ZBTB10: variants seen among roughly 807,000 people sequenced by gnomAD.
The protein encoded by ZBTB10 is zinc finger and BTB domain containing 10.
A neutral mutation model predicts 76.4 loss-of-function variants in ZBTB10; 32 were observed. That is an observed-to-expected ratio of 0.42 (90% confidence interval 0.32 to 0.56). The LOEUF (loss-of-function observed/expected upper bound fraction) is 0.56, where lower values mean the gene tolerates loss of function less well. Among genes scored for constraint, ZBTB10 ranks in the 20% least tolerant of loss-of-function variants. The pLI is 0.14. For missense variants in ZBTB10, 1,057 were observed against 1,098.5 expected (o/e 0.96, Z 0.53); for synonymous variants, 523 against 432.9 (o/e 1.21, Z -2.58).
In ZBTB10 at chr8:80,487,587, C is replaced by T. The variant is rs763125591; in HGVS notation, c.777C>T (p.Pro259=). The T allele has an allele frequency of 3.1e-6, 5 of 1,613,366 alleles. No individual in the cohort carries two copies. Among genetic ancestry groups the T allele is most frequent in the South Asian group, 1.1e-5 (1 of 90,918 alleles). The stretch of plus-strand genomic sequence containing the variant: ...AGACCTCCTGGCTCAAGGACTTTCC[C>T]TGGCTGCGCTATTCCAAGGATACTG... ...SFQTSWLKDF[P]WLRYSKDTGL... is the part of the protein sequence containing the mutation. The change falls in exon 1 of 6, where the codon CCC becomes CCT. Residue 259 remains proline, a synonymous_variant. Coordinates refer to ENST00000455036, the MANE Select transcript of ZBTB10 (RefSeq NM_001105539.3).
intron 1 of ZBTB10, among the ~76,000 whole-genome samples, chr8:80,497,429 A>T: frequency 7.3e-6 from 1 of 137,674 alleles, no homozygotes; most frequent in African/African-American, 2.8e-5. Context: ...TTTTGGTAGG[A>T]GGAGAAAATA....
chr8:80,485,997 G>A, upstream of ZBTB10: 21 of 868,742 alleles, frequency 2.4e-5, no homozygotes, highest in East Asian at 3.3e-5. Flanking sequence ...CCCCCAGCCC[G>A]CCGCCCGGCC....
Position 80,523,938 on chromosome 8 carries a change from CTAATA to C in ZBTB10, c.*4414_*4418del, listed in dbSNP as rs895626371. 1 of 151,950 alleles carries C rather than the reference CTAATA, an allele frequency of 6.6e-6. No individual in the cohort carries two copies. Among genetic ancestry groups the C allele is most frequent in the Non-Finnish European group, 1.5e-5 (1 of 67,894 alleles). 9.4% of individuals were successfully genotyped at this position (151,950 alleles called of 1,614,324 possible). ...ACTTTTTAAAATGTAAATTACCTAC[CTAATA>C]TAAGTGTCCTAAGACATGTATGTAA... is the stretch of plus-strand genomic sequence containing the variant. On this transcript the variant is annotated 3_prime_UTR_variant, in exon 6 of 6. Coordinates refer to ENST00000455036, the MANE Select transcript of ZBTB10 (RefSeq NM_001105539.3).
chr8:80,488,328 G>A (rs1237974816), intron 1 of ZBTB10, among the ~76,000 whole-genome samples: 1 of 152,194 alleles, frequency 6.6e-6, no homozygotes, highest in Non-Finnish European at 1.5e-5. Flanking sequence ...TAAATGTAGA[G>A]AATGCTATTT....
At chr8:80,501,676 A>ATG (rs35555021) in intron 2 of ZBTB10, among the ~76,000 whole-genome samples, 407 of 151,148 alleles carry the variant, frequency 2.7e-3, no homozygotes, top group South Asian at 6.9e-3. Context: ...TTGTGTATGT[A>ATG]TGTGTGTGTG....
chr8:80,493,194 C>T (rs566011363), intron 1 of ZBTB10, among the ~76,000 whole-genome samples: 81 of 88,556 alleles, frequency 9.1e-4, no homozygotes, highest in African/African-American at 4.3e-3. Flanking sequence ...TGCCTCAAAA[C>T]GCGCGCGCGC....
At position 80,519,996 on chromosome 8, in the gene ZBTB10, TTAA is replaced by T. The variant is rs1163385829; in HGVS notation, c.*471_*473del. The stretch of plus-strand genomic sequence containing the variant: ...TTTATTTTTATTAATTTTATTTTTT[TTAA>T]TACAGATTTTCAGTGAGGGGCTTTT... On this transcript the variant is annotated 3_prime_UTR_variant, in exon 6 of 6. Transcript: ENST00000455036. 2.0e-5 allele frequency: 3 copies of T among 152,520 alleles called. No individual in the cohort carries two copies. The highest frequency in any genetic ancestry group is 6.6e-5 in the Admixed American group (1 of 15,260). 9.4% of individuals were successfully genotyped at this position (152,520 alleles called of 1,614,324 possible).
chr8:80,526,076 T>A lies in ZBTB10; in HGVS notation c.*6548T>A. 1 of 151,996 alleles carries A rather than the reference T, an allele frequency of 6.6e-6. No individual in the cohort carries two copies. The allele number at this position is 151,996 out of a possible 1,614,324, so 9.4% of individuals were successfully genotyped here. On this transcript the variant is annotated 3_prime_UTR_variant, in exon 6 of 6. Transcript: ENST00000455036. ...CCTTTGTGATTTTTTTTTTAAACCG[T>A]CTCCATAACAGAACACTTAGAATTA...
Position 80,513,073 on chromosome 8 carries a change from C to CATT in ZBTB10, c.1862-837_1862-836insATT, listed in dbSNP as rs1159183207. On this transcript the variant is annotated intron_variant, in intron 2 of 5. Transcript: ENST00000455036. ...GTTAGGATTATTCAGTATACTTAAT[C>CATT]TTTTCTCACTGTCTCATCTGTTTCA... Among the ~76,000 whole-genome samples, 4 of 151,994 alleles carry CATT rather than the reference C, an allele frequency of 2.6e-5. No homozygotes were observed. In the East Asian group the frequency reaches 7.7e-4, roughly 29 times the overall value.
In ZBTB10 at chr8:80,507,765, T is replaced by G. The variant is rs115973991; in HGVS notation, c.1862-6145T>G. 4.2e-3 allele frequency among the ~76,000 whole-genome samples: 642 copies of G among 152,248 alleles called. 6 individuals are homozygous for G. The highest frequency in any genetic ancestry group is 0.014 in the African/African-American group (588 of 41,562). Reference sequence around the variant, plus strand: ...CATGGGCCACCACTCTTGGCTAATTTTTTTTAGATTTTTAAAATAGAGACA... The same window carrying G: ...CATGGGCCACCACTCTTGGCTAATTGTTTTTAGATTTTTAAAATAGAGACA... On this transcript the variant is annotated intron_variant, in intron 2 of 5. Coordinates refer to ENST00000455036, the MANE Select transcript of ZBTB10 (RefSeq NM_001105539.3).
chr8:80,487,202 G>A lies in ZBTB10; in HGVS notation c.392G>A (p.Gly131Glu). 6.5e-7 allele frequency: 1 copy of A among 1,541,386 alleles called. No homozygotes were observed. Among genetic ancestry groups the A allele is most frequent in the Non-Finnish European group, 8.7e-7 (1 of 1,145,844 alleles). ...RTLAFRGGGGGGLGNNGSSRG... is the reference protein window; with the variant it reads ...RTLAFRGGGGEGLGNNGSSRG... Reference sequence around the variant, plus strand: ...CTGGCCTTCCGAGGCGGCGGCGGCGGGGGTCTCGGCAACAATGGCAGTAGC... The same window carrying A: ...CTGGCCTTCCGAGGCGGCGGCGGCGAGGGTCTCGGCAACAATGGCAGTAGC... The change falls in exon 1 of 6, where the codon GGG (glycine) becomes GAG (glutamate). Residue 131 changes from glycine to glutamate, a missense_variant. Transcript: ENST00000455036.
At chr8:80,498,114 A>G (rs987271709) in intron 1 of ZBTB10, among the ~76,000 whole-genome samples, 1 of 152,186 alleles carries the variant, frequency 6.6e-6, no homozygotes, top group Non-Finnish European at 1.5e-5. Flanking sequence ...TAAAATTTTT[A>G]TGATTTAGCC....
At chr8:80,518,230 A>G (rs1816378864) in intron 3 of ZBTB10, among the ~76,000 whole-genome samples, 173 bp from the exon 4 acceptor site, 1 of 151,922 alleles carries the variant, frequency 6.6e-6, no homozygotes, top group Non-Finnish European at 1.5e-5. Flanking sequence ...TTTAATTGTG[A>G]TAATAAAGTA....
In ZBTB10 at chr8:80,519,212, C is replaced by G. The variant is rs776300995; in HGVS notation, c.2311-11C>G. 1 of 1,607,172 alleles carries G rather than the reference C, an allele frequency of 6.2e-7. No individual in the cohort carries two copies. Among genetic ancestry groups the G allele is most frequent in the East Asian group, 2.2e-5 (1 of 44,764 alleles). On this transcript the variant is annotated splice_polypyrimidine_tract_variant and intron_variant, in intron 5 of 5. Transcript: ENST00000455036. The stretch of plus-strand genomic sequence containing the variant: ...ATATCCTTATATTGGATTTTTTCCC[C>G]CTCCAATTAGGTGCATAAAAAGGAT...
chr8:80,512,873 C>T (rs1319208545), intron 2 of ZBTB10, among the ~76,000 whole-genome samples: 2 of 151,978 alleles, frequency 1.3e-5, no homozygotes, highest in African/African-American at 2.4e-5. Context: ...ATTTTTTCTG[C>T]TTGCCCCACC....
At chr8:80,496,817 A>T (rs989767505) in intron 1 of ZBTB10, among the ~76,000 whole-genome samples, 1 of 152,340 alleles carries the variant, frequency 6.6e-6, no homozygotes, top group East Asian at 1.9e-4. Flanking sequence ...CAAACAGTTC[A>T]TAGATATATG....
At chr8:80,488,669 C>T (rs1054545615) in intron 1 of ZBTB10, among the ~76,000 whole-genome samples, 22 of 152,198 alleles carry the variant, frequency 1.4e-4, no homozygotes, top group African/African-American at 5.3e-4. Flanking sequence ...CTTGTTTTAA[C>T]ATTTCCAGTC....
chr8:80,494,196 T>C (rs1219653943), intron 1 of ZBTB10, among the ~76,000 whole-genome samples: 1 of 152,260 alleles, frequency 6.6e-6, no homozygotes, highest in Non-Finnish European at 1.5e-5. Flanking sequence ...CACTTAAATG[T>C]TTGTGTTGGA....
intron 2 of ZBTB10, among the ~76,000 whole-genome samples, chr8:80,510,464 G>A (rs1816159236): frequency 2.0e-5 from 3 of 152,186 alleles, no homozygotes; most frequent in Admixed American, 2.0e-4. Context: ...ACTGCCGGAT[G>A]CATACAATCC....
Sources: gnomAD v4.1 joint callset for allele counts (sites outside exome capture counted in the v4.1 genomes callset) on GRCh38, gnomAD v4.1.1 for gene constraint, MANE v1.5 for transcripts, NCBI Gene and HGNC (gene_info 2026-07-23, HGNC 2026-07-21) for gene names.